The following GMDS variants were observed in gnomAD, a reference collection of about 807,000 sequenced individuals.
GMDS encodes GDP-mannose 4,6 dehydratase.
In GMDS, 20 loss-of-function variants were observed where a neutral mutation model predicts 49.9. The ratio of observed to expected loss-of-function variants is 0.40; its 90% CI spans 0.28 to 0.58. The LOEUF is 0.58. Among genes scored for constraint, GMDS ranks in the 20% least tolerant of loss-of-function variants. GMDS has a pLI of 0.42. For synonymous variants in GMDS, 177 were observed against 178.6 expected (o/e 0.99, Z 0.07); for missense variants, 362 against 481.4 (o/e 0.75, Z 2.32).
intron 7 of GMDS, among the ~76,000 whole-genome samples, chr6:1,774,608 G>A (rs1395577787): frequency 2.6e-5 from 4 of 152,194 alleles, no homozygotes; most frequent in Non-Finnish European, 5.9e-5. Flanking sequence ...GCACACACTC[G>A]TCCTTCTGTC....
intron 7 of GMDS, among the ~76,000 whole-genome samples, chr6:1,798,966 A>G (rs962382440): frequency 6.6e-6 from 1 of 152,318 alleles, no homozygotes; most frequent in East Asian, 1.9e-4. Context: ...TACTTCTGTC[A>G]AACATAGGGT....
intron 6 of GMDS, among the ~76,000 whole-genome samples, chr6:1,941,345 A>G (rs1450192379): frequency 6.6e-6 from 1 of 151,816 alleles, no homozygotes; most frequent in East Asian, 2.0e-4. Context: ...AAATGGTCAG[A>G]GAACCAAATA....
At chr6:1,967,429 G>C (rs1338945232) in intron 4 of GMDS, among the ~76,000 whole-genome samples, 2 of 152,104 alleles carry the variant, frequency 1.3e-5, no homozygotes, top group East Asian at 1.9e-4. Flanking sequence ...AAACCAGTAG[G>C]AAAGAAAATG....
intron 8 of GMDS, among the ~76,000 whole-genome samples, chr6:1,739,922 A>T (rs1002329332): frequency 2.0e-5 from 3 of 152,216 alleles, no homozygotes; most frequent in African/African-American, 7.2e-5. Context: ...TATAGTACTA[A>T]ACAGTTTCAC....
intron 3 of GMDS, 63 bp downstream of exon 3, chr6:2,117,406 T>C: frequency 2.1e-6 from 2 of 957,494 alleles, no homozygotes; most frequent in Non-Finnish European, 3.4e-6. Context: ...ACACCTTATC[T>C]GAACATAGGA....
chr6:1,995,238 G>A (rs1171620563), intron 4 of GMDS, among the ~76,000 whole-genome samples: 1 of 152,154 alleles, frequency 6.6e-6, no homozygotes, highest in African/African-American at 2.4e-5. Flanking sequence ...TTACAGTGGG[G>A]TACAAGGGAG....
intron 7 of GMDS, among the ~76,000 whole-genome samples, chr6:1,879,001 T>C (rs545580497): frequency 6.6e-6 from 1 of 152,324 alleles, no homozygotes; most frequent in African/African-American, 2.4e-5. Context: ...GCAGAGGCTC[T>C]GCTGTATTCA....
intron 9 of GMDS, among the ~76,000 whole-genome samples, chr6:1,718,024 G>A (rs1329910728): frequency 6.6e-6 from 1 of 152,160 alleles, no homozygotes; most frequent in Non-Finnish European, 1.5e-5. Flanking sequence ...TCAGATACAA[G>A]TGCTTAGTTT....
chr6:1,818,001 A>T (rs530464322), intron 7 of GMDS, among the ~76,000 whole-genome samples: 15 of 152,368 alleles, frequency 9.8e-5, no homozygotes, highest in Middle Eastern at 3.4e-3. Context: ...ACTTTTCTGA[A>T]ATACAGAGCT....
At chr6:1,926,214 G>A (rs1761998342) in intron 7 of GMDS, among the ~76,000 whole-genome samples, 1 of 152,208 alleles carries the variant, frequency 6.6e-6, no homozygotes. Context: ...GATACAGAAA[G>A]CCCTCTGTCC....
At chr6:2,124,119 C>T (rs1172004467) in intron 2 of GMDS, among the ~76,000 whole-genome samples, 1 of 151,240 alleles carries the variant, frequency 6.6e-6, no homozygotes, top group Non-Finnish European at 1.5e-5. Context: ...TTAAGTTGTA[C>T]ATACTTAGCA....
At chr6:2,144,996 C>CA (rs1193294717) in intron 1 of GMDS, among the ~76,000 whole-genome samples, 1 of 152,176 alleles carries the variant, frequency 6.6e-6, no homozygotes, top group Non-Finnish European at 1.5e-5. Flanking sequence ...AATAAAAAGG[C>CA]AACCTGGCCA....
At chr6:1,687,128 G>C (rs1765003377) in intron 9 of GMDS, among the ~76,000 whole-genome samples, 1 of 152,098 alleles carries the variant, frequency 6.6e-6, no homozygotes. Flanking sequence ...CGTTTGTCAG[G>C]CCCCAGAGAT....
intron 9 of GMDS, among the ~76,000 whole-genome samples, chr6:1,646,286 C>T (rs9378643): frequency 0.29 from 43,712 of 152,048 alleles, 6,446 homozygotes; most frequent in East Asian, 0.57. Flanking sequence ...AGCATCCTCC[C>T]GCTTCACAGA....
chr6:2,201,733 G>C (rs372749095), intron 1 of GMDS, among the ~76,000 whole-genome samples: 5 of 123,238 alleles, frequency 4.1e-5, no homozygotes, highest in African/African-American at 1.5e-4. Context: ...AGTGAGGGCA[G>C]CATGTTAGCA....
chr6:1,755,231 C>T (rs560253362), intron 7 of GMDS, among the ~76,000 whole-genome samples: 20 of 152,240 alleles, frequency 1.3e-4, no homozygotes, highest in African/African-American at 4.6e-4. Flanking sequence ...TTCCTATATA[C>T]CAATAATAGA....
Position 1,750,744 on chromosome 6 carries a change from A to G in GMDS, c.772-8158T>C, listed in dbSNP as rs550423042. Among the ~76,000 whole-genome samples, 7 of 152,146 alleles carry G rather than the reference A, an allele frequency of 4.6e-5. No homozygotes were observed. The East Asian group carries it at 1.4e-3, about 30-fold the overall frequency. ...AAGAACCGTTCACTCCCCTGGAAAG[A>G]GGGCTGAAGCCAGGGAGCCAAGTTG... is the stretch of plus-strand genomic sequence containing the variant. On this transcript the variant is annotated intron_variant, in intron 7 of 10. Coordinates refer to ENST00000380815, the MANE Select transcript of GMDS (RefSeq NM_001500.4).
At chr6:1,972,264 T>A (rs1041045796) in intron 4 of GMDS, among the ~76,000 whole-genome samples, 1 of 135,464 alleles carries the variant, frequency 7.4e-6, no homozygotes, top group Admixed American at 7.0e-5. Context: ...GGGTTTTTGT[T>A]TTTTTTTTTT....
intron 9 of GMDS, among the ~76,000 whole-genome samples, chr6:1,644,396 T>C (rs2745618): frequency 0.015 from 2,303 of 152,292 alleles, 64 homozygotes; most frequent in African/African-American, 0.051. Context: ...GTCTCACCAT[T>C]GCCATAAATA....
Sources: gnomAD v4.1 joint callset for allele counts (sites outside exome capture counted in the v4.1 genomes callset) on GRCh38, gnomAD v4.1.1 for gene constraint, MANE v1.5 for transcripts, NCBI Gene and HGNC (gene_info 2026-07-23, HGNC 2026-07-21) for gene names.